Variants in ZNF695 observed in about 807,000 individuals in gnomAD.
The protein encoded by ZNF695 is zinc finger protein SBZF3.
In ZNF695, 11 loss-of-function variants were observed where a neutral mutation model predicts 11.2. The ratio of observed to expected loss-of-function variants is 0.98; its 90% CI spans 0.62 to 1.62. ZNF695 has a LOEUF of 1.62. ZNF695 is among the 40% of genes most tolerant of loss of function. The pLI is 0.00. For missense variants in ZNF695, 559 were observed against 590.5 expected (o/e 0.95, Z 0.55); for synonymous variants, 190 against 201.4 (o/e 0.94, Z 0.48).
At chr1:246,980,698 G>A (rs1360852386), downstream of ZNF695, among the ~76,000 whole-genome samples, 2 of 152,094 alleles carry the variant, frequency 1.3e-5, no homozygotes, top group Non-Finnish European at 2.9e-5. Context: ...GATTACAGGA[G>A]TGAGCCACCG....
intron 5 of ZNF695, among the ~76,000 whole-genome samples, chr1:246,953,679 T>C (rs995648964): frequency 2.6e-5 from 4 of 151,614 alleles, no homozygotes; most frequent in Non-Finnish European, 4.4e-5. Flanking sequence ...TCCCAGCACT[T>C]TGAGAGGACA....
At chr1:246,983,859 A>C (rs1668773015), downstream of ZNF695, among the ~76,000 whole-genome samples, 1 of 151,688 alleles carries the variant, frequency 6.6e-6, no homozygotes, top group Non-Finnish European at 1.5e-5. Flanking sequence ...CATCACATTA[A>C]AAAATTTCAA....
downstream of ZNF695, chr1:246,945,634 G>C (rs776840588): frequency 2.1e-5 from 14 of 679,516 alleles, no homozygotes; most frequent in Non-Finnish European, 3.2e-5. Context: ...AAACCAACAT[G>C]GAAGAACAAT....
In ZNF695 at chr1:246,988,222, G is replaced by A; in HGVS notation, c.293C>T (p.Pro98Leu). 4 of 1,576,750 alleles carry A rather than the reference G, an allele frequency of 2.5e-6. No homozygotes were observed. The highest frequency in any genetic ancestry group is 3.4e-6 in the Non-Finnish European group (4 of 1,165,924). ...GAATGAAACTTGCAGGCCCTGCTCT[G>A]GCAAAATGTCTTCAGTAAGATAAGA... is the stretch of plus-strand genomic sequence containing the variant. ...LSSYLTEDIL[P>L]EQGLQVSFQK... The change falls in exon 4 of 4, where the codon CCA becomes CTA. Residue 98 changes from proline (P) to leucine (L), a missense_variant. Transcript: ENST00000339986.
chr1:246,947,728 C>A (rs1400357180), intron 5 of ZNF695, among the ~76,000 whole-genome samples: 5 of 152,182 alleles, frequency 3.3e-5, no homozygotes, highest in African/African-American at 2.4e-5. Flanking sequence ...GTACAGACAT[C>A]ACTTGTTTTA....
intron 5 of ZNF695, among the ~76,000 whole-genome samples, chr1:246,954,939 G>GT (rs1425650969): frequency 3.3e-5 from 5 of 152,100 alleles, no homozygotes; most frequent in Admixed American, 3.3e-4. Context: ...CCTTGATATG[G>GT]TTTGGCTGTG....
chr1:246,981,793 A>G (rs1668717033), downstream of ZNF695, among the ~76,000 whole-genome samples: 1 of 152,178 alleles, frequency 6.6e-6, no homozygotes, highest in Admixed American at 6.6e-5. Flanking sequence ...GCACCCCAAA[A>G]TCACTGAGGA....
In ZNF695 at chr1:246,972,052, G is replaced by A. The variant is rs142455998; in HGVS notation, c.391-4260C>T. The stretch of plus-strand genomic sequence containing the variant: ...CCCCCGGCTCAGACAACTTGCCCCT[G>A]AGGGCAGGGGCCTGCTGGTTTATTT... On this transcript the variant is annotated intron_variant, in intron 4 of 5. Coordinates refer to the ZNF695 transcript ENST00000487338. 2.8e-3 allele frequency among the ~76,000 whole-genome samples: 434 copies of A among 152,324 alleles called. 4 individuals carry two copies. The highest frequency in any genetic ancestry group is 9.4e-3 in the African/African-American group (391 of 41,584).
chr1:246,998,775 G>A (rs191168813), intron 3 of ZNF695, among the ~76,000 whole-genome samples: 1 of 152,238 alleles, frequency 6.6e-6, no homozygotes, highest in Admixed American at 6.5e-5. Flanking sequence ...AGACCATATG[G>A]GCTAACATGG....
At chr1:247,007,775 G>C in intron 1 of ZNF695, 131 bp downstream of exon 1, 1 of 1,074,654 alleles carries the variant, frequency 9.3e-7, no homozygotes, top group African/African-American at 1.6e-5. Context: ...AGCTGCGCCA[G>C]CGGGACTCGG....
chr1:246,949,933 C>G (rs764492999), intron 5 of ZNF695, among the ~76,000 whole-genome samples: 1 of 152,118 alleles, frequency 6.6e-6, no homozygotes, highest in African/African-American at 2.4e-5. Flanking sequence ...AGAATTAATT[C>G]GGCTTCAGAT....
exon 6 of ZNF695, chr1:246,945,716 C>G: frequency 1.4e-6 from 2 of 1,480,524 alleles, no homozygotes; most frequent in African/African-American, 1.4e-5. Context: ...GCTGACGCAG[C>G]TGGACCCGGT....
At chr1:246,995,685 C>T (rs1669181513) in intron 3 of ZNF695, among the ~76,000 whole-genome samples, 1 of 151,528 alleles carries the variant, frequency 6.6e-6, no homozygotes, top group Admixed American at 6.6e-5. Flanking sequence ...CACGGTGGCA[C>T]ATGCCTGTAA....
chr1:246,971,127 G>A lies in ZNF695; in HGVS notation c.391-3335C>T, dbSNP rs559701791. The stretch of plus-strand genomic sequence containing the variant: ...CTACAAGACAAGTTGGCAGGGTAAG[G>A]AGTGTGAGCCATCTCCAATGATAGG... On this transcript the variant is annotated intron_variant, in intron 4 of 5. Coordinates refer to the ZNF695 transcript ENST00000487338. Among the ~76,000 whole-genome samples the A allele has an allele frequency of 3.1e-4, 47 of 152,312 alleles. No homozygotes were observed. The East Asian group carries it at 6.2e-3, about 20-fold the overall frequency.
chr1:246,974,826 CA>C (rs1289599040), intron 4 of ZNF695, among the ~76,000 whole-genome samples: 2 of 152,192 alleles, frequency 1.3e-5, no homozygotes, highest in Non-Finnish European at 2.9e-5. Context: ...TCACTCCTCT[CA>C]CCACCTCTCC....
chr1:246,955,985 A>ATTT (rs74163714), intron 5 of ZNF695, among the ~76,000 whole-genome samples: 10 of 132,046 alleles, frequency 7.6e-5, no homozygotes, highest in African/African-American at 2.5e-4. Flanking sequence ...TTTGGATTGG[A>ATTT]TTTTTTTTTT....
intron 4 of ZNF695, among the ~76,000 whole-genome samples, chr1:246,977,075 G>A (rs556139923): frequency 1.3e-4 from 20 of 152,244 alleles, no homozygotes; most frequent in East Asian, 9.6e-4. Flanking sequence ...CCTGCCATTC[G>A]CAAAGTTTAT....
intron 5 of ZNF695, among the ~76,000 whole-genome samples, chr1:246,949,313 G>A (rs1245633442): frequency 1.3e-5 from 2 of 151,950 alleles, no homozygotes; most frequent in South Asian, 2.1e-4. Flanking sequence ...CTCTTGGGCC[G>A]GGCCTGGTAG....
intron 5 of ZNF695, among the ~76,000 whole-genome samples, chr1:246,963,649 G>A (rs1668218358): frequency 6.6e-6 from 1 of 152,180 alleles, no homozygotes; most frequent in Non-Finnish European, 1.5e-5. Context: ...ATGGAGTTGT[G>A]TATAATAGGA....
Sources: gnomAD v4.1 joint callset for allele counts (sites outside exome capture counted in the v4.1 genomes callset) on GRCh38, gnomAD v4.1.1 for gene constraint, MANE v1.5 for transcripts, NCBI Gene and HGNC (gene_info 2026-07-23, HGNC 2026-07-21) for gene names.